The following COMMD1 variants were observed in gnomAD, a reference collection of about 807,000 sequenced individuals.
The protein encoded by COMMD1 is copper metabolism domain containing 1.
Under a neutral mutation model 17.2 loss-of-function variants are expected in COMMD1, and 10 were observed. That is an observed-to-expected ratio of 0.58 (90% CI 0.36 to 0.99). COMMD1 has a LOEUF of 0.99. Among genes scored for constraint, COMMD1 ranks in the 50% least tolerant of loss-of-function variants. COMMD1 has a pLI of 0.01. For synonymous variants in COMMD1, 97 were observed against 91.6 expected (o/e 1.06, Z -0.34); for missense variants, 270 against 231.8 (o/e 1.17, Z -1.07).
intron 1 of COMMD1, among the ~76,000 whole-genome samples, chr2:61,949,616 GA>G (rs112157164): frequency 6.6e-6 from 1 of 152,238 alleles, no homozygotes; most frequent in African/African-American, 2.4e-5. Flanking sequence ...TGCAGGCAAT[GA>G]GAATAGTGTT....
chr2:61,935,989 T>C (rs796201830), intron 1 of COMMD1, among the ~76,000 whole-genome samples: 4 of 152,232 alleles, frequency 2.6e-5, no homozygotes, highest in African/African-American at 9.6e-5. Flanking sequence ...GCTAATTTTT[T>C]GTATTTTAGT....
At chr2:62,002,740 C>G (rs975251818) in intron 2 of COMMD1, among the ~76,000 whole-genome samples, 3 of 148,992 alleles carry the variant, frequency 2.0e-5, no homozygotes, top group Non-Finnish European at 3.0e-5. Context: ...CCTGTAATCC[C>G]AGTTACTCAG....
At chr2:62,120,966 A>G (rs1672726293) in intron 2 of COMMD1, among the ~76,000 whole-genome samples, 1 of 151,384 alleles carries the variant, frequency 6.6e-6, no homozygotes, top group Non-Finnish European at 1.5e-5. Flanking sequence ...CTGGTTGTGA[A>G]CTCCTGAGCT....
chr2:61,916,678 C>T (rs1212068516), intron 1 of COMMD1, among the ~76,000 whole-genome samples: 2 of 151,462 alleles, frequency 1.3e-5, no homozygotes, highest in African/African-American at 4.8e-5. Context: ...CTATCCACCT[C>T]GGCCTCCCAA....
intron 2 of COMMD1, among the ~76,000 whole-genome samples, chr2:62,130,336 G>A (rs1672997506): frequency 6.7e-6 from 1 of 150,254 alleles, no homozygotes; most frequent in African/African-American, 2.5e-5. Flanking sequence ...GTGCAGTGGC[G>A]CAGTCTTGGC....
chr2:61,937,923 C>T (rs1380008798), intron 1 of COMMD1, among the ~76,000 whole-genome samples: 2 of 152,106 alleles, frequency 1.3e-5, no homozygotes, highest in East Asian at 3.8e-4. Context: ...CTGACCTTGA[C>T]CTAATTATAT....
At chr2:61,917,777 C>T (rs765070424) in intron 1 of COMMD1, among the ~76,000 whole-genome samples, 16 of 152,218 alleles carry the variant, frequency 1.1e-4, no homozygotes, top group Non-Finnish European at 1.8e-4. Context: ...GTGATCCGCC[C>T]GCCTTGGCTT....
At chr2:62,015,695 G>GTTTTTTT (rs1175789686) in intron 2 of COMMD1, among the ~76,000 whole-genome samples, 5 of 127,218 alleles carry the variant, frequency 3.9e-5, no homozygotes, top group African/African-American at 8.6e-5. Context: ...TAGTTTCTGG[G>GTTTTTTT]TTTTTTTTTT....
intron 2 of COMMD1, among the ~76,000 whole-genome samples, chr2:62,051,407 G>A (rs1387984601): frequency 6.6e-6 from 1 of 152,144 alleles, no homozygotes; most frequent in Non-Finnish European, 1.5e-5. Flanking sequence ...TTATAAAGTT[G>A]TAAGAAATGT....
chr2:61,999,855 A>C (rs1668874562), intron 1 of COMMD1, among the ~76,000 whole-genome samples: 1 of 152,040 alleles, frequency 6.6e-6, no homozygotes, highest in Non-Finnish European at 1.5e-5. Context: ...CTTTTCTGAT[A>C]TTTGATGTTT....
At chr2:62,133,403 T>C (rs115594337) in intron 2 of COMMD1, among the ~76,000 whole-genome samples, 3,049 of 152,230 alleles carry the variant, frequency 0.02, 107 homozygotes, top group African/African-American at 0.071. Flanking sequence ...CATAGTATCG[T>C]AGGGGACGAA....
At chr2:62,103,635 A>G (rs2104025813) in intron 2 of COMMD1, among the ~76,000 whole-genome samples, 1 of 152,356 alleles carries the variant, frequency 6.6e-6, no homozygotes. Flanking sequence ...GGGCAGACCA[A>G]TTGAGCATTT....
intron 1 of COMMD1, among the ~76,000 whole-genome samples, chr2:61,933,496 A>G (rs1670523499): frequency 6.6e-6 from 1 of 151,956 alleles, no homozygotes; most frequent in East Asian, 1.9e-4. Context: ...GTTTAGCCGG[A>G]GCCCAGCCCT....
chr2:62,054,662 A>G (rs1043837854), intron 2 of COMMD1, among the ~76,000 whole-genome samples: 1 of 152,146 alleles, frequency 6.6e-6, no homozygotes, highest in African/African-American at 2.4e-5. Flanking sequence ...AAATGTGTTC[A>G]GGTGAATGTA....
At chr2:61,998,056 T>C (rs1668812818) in intron 1 of COMMD1, among the ~76,000 whole-genome samples, 1 of 152,194 alleles carries the variant, frequency 6.6e-6, no homozygotes, top group African/African-American at 2.4e-5. Context: ...TCTTTAAACC[T>C]CATGAACCAA....
chr2:61,957,659 T>C (rs1195784062), intron 1 of COMMD1, among the ~76,000 whole-genome samples: 1 of 152,198 alleles, frequency 6.6e-6, no homozygotes, highest in Non-Finnish European at 1.5e-5. Context: ...AGGAAACTTA[T>C]AAAGAAAGGA....
intron 2 of COMMD1, among the ~76,000 whole-genome samples, chr2:62,132,581 C>T (rs1673071928): frequency 6.6e-6 from 1 of 152,182 alleles, no homozygotes; most frequent in Non-Finnish European, 1.5e-5. Flanking sequence ...CACAGTGGCT[C>T]ACGCCTGTAA....
chr2:62,018,551 G>A (rs116500355), intron 2 of COMMD1, among the ~76,000 whole-genome samples: 1,893 of 152,168 alleles, frequency 0.012, 45 homozygotes, highest in African/African-American at 0.044. Context: ...TTTTTAATGA[G>A]CATTATGGTT....
At chr2:61,893,035 T>C (rs1477016969) in intron 1 of COMMD1, among the ~76,000 whole-genome samples, 2 of 151,830 alleles carry the variant, frequency 1.3e-5, no homozygotes, top group Non-Finnish European at 2.9e-5. Flanking sequence ...GGTCGGCTAA[T>C]TTTGTATTTT....
Sources: gnomAD v4.1 joint callset for allele counts (sites outside exome capture counted in the v4.1 genomes callset) on GRCh38, gnomAD v4.1.1 for gene constraint, MANE v1.5 for transcripts, NCBI Gene and HGNC (gene_info 2026-07-23, HGNC 2026-07-21) for gene names.